Variants in MALRD1 observed in about 807,000 individuals in gnomAD.
MALRD1 encodes MAM and LDL-receptor class A domain-containing protein 1.
Under a neutral mutation model 242.1 loss-of-function variants are expected in MALRD1, and 247 were observed. The observed-to-expected ratio is 1.02, with a 90% confidence interval of 0.92 to 1.13. The LOEUF is 1.13. MALRD1 is among the 50% of genes most tolerant of loss of function. The pLI is 0.00. For missense variants in MALRD1, 2,989 were observed against 2,533.1 expected (o/e 1.18, Z -3.86); for synonymous variants, 995 against 866.6 (o/e 1.15, Z -2.60).
At chr10:19,053,582 G>T (rs929534783) in intron 1 of MALRD1, among the ~76,000 whole-genome samples, 1 of 152,070 alleles carries the variant, frequency 6.6e-6, no homozygotes, top group Non-Finnish European at 1.5e-5. Context: ...GCAGTTCATT[G>T]TGTACCAAAG....
At chr10:19,572,933 C>T (rs1409925166) in intron 33 of MALRD1, among the ~76,000 whole-genome samples, 1 of 152,202 alleles carries the variant, frequency 6.6e-6, no homozygotes, top group Non-Finnish European at 1.5e-5. Context: ...GACTTCTGGC[C>T]TCCACAACTA....
chr10:19,243,983 C>T (rs759303287), intron 18 of MALRD1, among the ~76,000 whole-genome samples: 1 of 152,036 alleles, frequency 6.6e-6, no homozygotes, highest in Non-Finnish European at 1.5e-5. Flanking sequence ...CTCTAAGATT[C>T]CTATGAATTA....
chr10:19,734,289 G>A lies in MALRD1; in HGVS notation c.*52G>A. ...CATGTGTAGTTTCTAGAAAATTGAA[G>A]TCTCCACAATCTGATAGAAACTCAT... On this transcript the variant is annotated 3_prime_UTR_variant, in exon 40 of 40. Transcript: ENST00000454679. The A allele has an allele frequency of 1.4e-6, 2 of 1,416,914 alleles. No homozygotes were observed. Among genetic ancestry groups the A allele is most frequent in the Non-Finnish European group, 1.9e-6 (2 of 1,040,270 alleles). The allele number at this position is 1,416,914 out of a possible 1,614,324, so 87.8% of individuals were successfully genotyped here.
At chr10:19,577,181 T>C (rs1432519078) in intron 33 of MALRD1, among the ~76,000 whole-genome samples, 1 of 152,154 alleles carries the variant, frequency 6.6e-6, no homozygotes, top group Non-Finnish European at 1.5e-5. Flanking sequence ...AGGCCTCGTT[T>C]TAAAATGAAT....
intron 28 of MALRD1, among the ~76,000 whole-genome samples, chr10:19,398,321 G>C (rs1047558481): frequency 6.6e-6 from 1 of 152,114 alleles, no homozygotes; most frequent in South Asian, 2.1e-4. Context: ...GGTTAGGAAA[G>C]AATGAATTAG....
At chr10:19,494,869 A>T (rs1372174401) in intron 30 of MALRD1, among the ~76,000 whole-genome samples, 3 of 152,216 alleles carry the variant, frequency 2.0e-5, no homozygotes, top group Non-Finnish European at 2.9e-5. Context: ...TATTGTTAAT[A>T]AAAACTTTGC....
intron 5 of MALRD1, among the ~76,000 whole-genome samples, chr10:19,113,430 G>A (rs1185696797): frequency 3.3e-5 from 5 of 151,700 alleles, no homozygotes. Flanking sequence ...CTCATTCCAT[G>A]ACTTTTCTTT....
At chr10:19,277,637 G>T (rs1452539712) in intron 19 of MALRD1, among the ~76,000 whole-genome samples, 1 of 152,028 alleles carries the variant, frequency 6.6e-6, no homozygotes, top group Non-Finnish European at 1.5e-5. Flanking sequence ...CTTATTTCTG[G>T]GTTTCACATT....
chr10:19,566,247 G>T (rs1048435016), intron 32 of MALRD1, among the ~76,000 whole-genome samples: 2 of 151,146 alleles, frequency 1.3e-5, no homozygotes, highest in South Asian at 4.2e-4. Context: ...TTCTGCCTCA[G>T]CCTCCTGAGT....
At chr10:19,687,038 T>G (rs2131809259) in intron 36 of MALRD1, among the ~76,000 whole-genome samples, 1 of 152,226 alleles carries the variant, frequency 6.6e-6, no homozygotes, top group Admixed American at 6.5e-5. Context: ...TTTTCCCTCC[T>G]ATTAAGCTTA....
Position 19,066,637 on chromosome 10 carries a change from A to T in MALRD1, c.200-82A>T, listed in dbSNP as rs565128983. 1.0e-5 allele frequency: 11 copies of T among 1,068,662 alleles called. No individual in the cohort carries two copies. In the African/African-American group the frequency reaches 1.8e-4, roughly 17 times the overall value. 66.2% of individuals were successfully genotyped at this position (1,068,662 alleles called of 1,614,324 possible). On this transcript the variant is annotated intron_variant, in intron 1 of 39. Coordinates refer to ENST00000454679, the MANE Select transcript of MALRD1 (RefSeq NM_001142308.3). ...ATGTTGACTTATGTCATTTGTTGCT[A>T]AACTTTATTTTTCTGCTATTGTCTT... is the stretch of plus-strand genomic sequence containing the variant.
At chr10:19,673,713 C>T (rs1175008704) in intron 36 of MALRD1, among the ~76,000 whole-genome samples, 2 of 152,074 alleles carry the variant, frequency 1.3e-5, no homozygotes, top group Non-Finnish European at 2.9e-5. Context: ...TTTTCAGTAT[C>T]ATAAATATTA....
At chr10:19,590,701 T>TTG (rs532855419) in intron 33 of MALRD1, among the ~76,000 whole-genome samples, 6 of 151,982 alleles carry the variant, frequency 3.9e-5, no homozygotes, top group African/African-American at 1.2e-4. Context: ...TATATATACA[T>TTG]TGTGTGTGTG....
At chr10:19,335,133 T>C (rs1405403205) in intron 24 of MALRD1, among the ~76,000 whole-genome samples, 4 of 151,916 alleles carry the variant, frequency 2.6e-5, no homozygotes, top group Admixed American at 2.6e-4. Context: ...GGAGGATAAG[T>C]TGTATCAGAA....
chr10:19,414,126 A>G (rs1459010645), intron 28 of MALRD1, among the ~76,000 whole-genome samples: 1 of 152,040 alleles, frequency 6.6e-6, no homozygotes, highest in African/African-American at 2.4e-5. Flanking sequence ...TTAGTTATAG[A>G]CTCTACAGAA....
chr10:19,272,366 G>C (rs1840289338), intron 19 of MALRD1, among the ~76,000 whole-genome samples: 1 of 151,996 alleles, frequency 6.6e-6, no homozygotes, highest in Admixed American at 6.5e-5. Context: ...GGATTAGAGT[G>C]GAGTTTGTGG....
intron 24 of MALRD1, among the ~76,000 whole-genome samples, chr10:19,340,273 T>C (rs2130953225): frequency 6.6e-6 from 1 of 152,270 alleles, no homozygotes; most frequent in East Asian, 1.9e-4. Context: ...TGTTACAATC[T>C]ATTTACACTC....
intron 35 of MALRD1, among the ~76,000 whole-genome samples, chr10:19,614,192 G>A (rs562899489): frequency 5.9e-5 from 9 of 152,102 alleles, no homozygotes; most frequent in African/African-American, 2.2e-4. Flanking sequence ...TTTACAGAAA[G>A]CAAACAGAGG....
intron 24 of MALRD1, among the ~76,000 whole-genome samples, chr10:19,340,013 C>G (rs926615052): frequency 3.3e-5 from 5 of 152,090 alleles, no homozygotes; most frequent in Admixed American, 3.3e-4. Context: ...CTCCTGAGAA[C>G]TCACTCACTG....
Sources: gnomAD v4.1 joint callset for allele counts (sites outside exome capture counted in the v4.1 genomes callset) on GRCh38, gnomAD v4.1.1 for gene constraint, MANE v1.5 for transcripts, NCBI Gene and HGNC (gene_info 2026-07-23, HGNC 2026-07-21) for gene names.